Variants in PCDHGA1 observed in about 807,000 individuals in gnomAD.
PCDHGA1 encodes protocadherin gamma-A1.
Under a neutral mutation model 58.0 loss-of-function variants are expected in PCDHGA1, and 32 were observed. The ratio of observed to expected loss-of-function variants is 0.55; its 90% CI spans 0.42 to 0.74. PCDHGA1 has a LOEUF of 0.74. Among genes scored for constraint, PCDHGA1 ranks in the 30% least tolerant of loss-of-function variants. The pLI is 0.00. For missense variants in PCDHGA1, 1,205 were observed against 1,182.3 expected, an observed-to-expected ratio of 1.02 and a Z score of -0.28; for synonymous variants, 498 against 501.1, an observed-to-expected ratio of 0.99 and a Z score of 0.08.
Position 141,487,266 on chromosome 5 carries a change from T to A in PCDHGA1, c.2422-7541T>A. The stretch of plus-strand genomic sequence containing the variant: ...ACCCTCTACTTGGCTGTGTCCCTAG[T>A]GGCAATTTGCTTTGTCTCCTTTGGC... On this transcript the variant is annotated intron_variant, in intron 1 of 3. Transcript: ENST00000517417. This position sits in a 1 kb window ranked among gnomAD's most constrained non-coding sequence, Gnocchi z 5.0. The A allele has an allele frequency of 1.2e-6, 2 of 1,614,172 alleles. No homozygotes were observed. Among genetic ancestry groups the A allele is most frequent in the Non-Finnish European group, 8.5e-7 (1 of 1,180,036 alleles).
At chr5:141,419,674 C>A (rs372932653) in intron 1 of PCDHGA1, 1 of 1,612,938 alleles carries the variant, frequency 6.2e-7, no homozygotes, top group Non-Finnish European at 8.5e-7. Flanking sequence ...CCTGGCTGTC[C>A]TACCACGTGG....
chr5:141,415,893 A>G, intron 1 of PCDHGA1: 2 of 904,826 alleles, frequency 2.2e-6, no homozygotes, highest in Non-Finnish European at 3.0e-6. Flanking sequence ...GACAATTCCT[A>G]AGACAGACTT....
intron 1 of PCDHGA1, among the ~76,000 whole-genome samples, chr5:141,492,356 G>A (rs2099739649): frequency 6.6e-6 from 1 of 152,198 alleles, no homozygotes; most frequent in Non-Finnish European, 1.5e-5. Context: ...ACTGCCACTC[G>A]CTCGCGGCCA....
At position 141,352,422 on chromosome 5, in the gene PCDHGA1, G is replaced by T. The variant is rs191134866; in HGVS notation, c.2421+19317G>T. Reference sequence around the variant, plus strand: ...CGTTCCTCCAGCCTCGACACTGAGGGCTGCTTTCAAACCGGTCTCTGCTCC... The same window carrying T: ...CGTTCCTCCAGCCTCGACACTGAGGTCTGCTTTCAAACCGGTCTCTGCTCC... On this transcript the variant is annotated intron_variant, in intron 1 of 3. Coordinates refer to ENST00000517417, the MANE Select transcript of PCDHGA1 (RefSeq NM_018912.3). 2.1e-4 allele frequency: 340 copies of T among 1,614,054 alleles called. 1 individual carries two copies. The African/African-American group carries it at 3.3e-3, about 16-fold the overall frequency.
intron 1 of PCDHGA1, chr5:141,405,510 C>T: frequency 1.4e-6 from 1 of 732,922 alleles, no homozygotes; most frequent in Non-Finnish European, 2.2e-6. Context: ...ACCTCCGCCT[C>T]CCAAATTCAA....
chr5:141,364,219 G>A lies in PCDHGA1; in HGVS notation c.2421+31114G>A, dbSNP rs1277207859. 4.5e-6 allele frequency: 6 copies of A among 1,322,924 alleles called. No individual in the cohort carries two copies. In the Admixed American group the frequency reaches 1.8e-4, roughly 41 times the overall value. 81.9% of individuals were successfully genotyped at this position (1,322,924 alleles called of 1,614,324 possible). On this transcript the variant is annotated intron_variant, in intron 1 of 3. Coordinates refer to ENST00000517417, the MANE Select transcript of PCDHGA1 (RefSeq NM_018912.3). The stretch of plus-strand genomic sequence containing the variant: ...CAGACCAGACAAGCTCCTACGAAAA[G>A]CCAACGCTCCACGCCCATTTTCGTC...
At chr5:141,361,035 A>T in intron 1 of PCDHGA1, 1 of 1,613,478 alleles carries the variant, frequency 6.2e-7, no homozygotes, top group South Asian at 1.1e-5. Context: ...AAACAGGAGA[A>T]ATCACGACAA....
At chr5:141,357,014 C>T in intron 1 of PCDHGA1, 2 of 1,614,130 alleles carry the variant, frequency 1.2e-6, no homozygotes, top group Non-Finnish European at 1.7e-6. Context: ...GCCTGGCTGT[C>T]CTACAGCCTA....
At chr5:141,386,548 G>T (rs1264128780) in intron 1 of PCDHGA1, among the ~76,000 whole-genome samples, 1 of 151,902 alleles carries the variant, frequency 6.6e-6, no homozygotes, top group Non-Finnish European at 1.5e-5. Context: ...GTTGTATTTG[G>T]TAGTATTTTG....
In PCDHGA1 at chr5:141,489,335, G is replaced by A. The variant is rs138015049; in HGVS notation, c.2422-5472G>A. The A allele has an allele frequency of 8.2e-5, 132 of 1,607,244 alleles. No individual in the cohort carries two copies. The African/African-American group carries it at 1.5e-3, about 18-fold the overall frequency. On this transcript the variant is annotated intron_variant, in intron 1 of 3. Transcript: ENST00000517417. This position sits in a 1 kb window ranked among gnomAD's most constrained non-coding sequence, Gnocchi z 4.5. ...TGGGGCTGGGTGTCTGGGCAGCTTC[G>A]TTACTCAGTGGTGGAGGAGTCTGAG...
At chr5:141,463,438 CTTTTTTTTTTTTTT>C (rs71576115) in intron 1 of PCDHGA1, among the ~76,000 whole-genome samples, 7 of 103,256 alleles carry the variant, frequency 6.8e-5, no homozygotes, top group Non-Finnish European at 9.4e-5. Flanking sequence ...TTTCCTTCTC[CTTTTTTTTTTTTTT>C]TTTTTTTTTT....
At chr5:141,503,478 C>T (rs1249372985) in intron 2 of PCDHGA1, among the ~76,000 whole-genome samples, 3 of 151,680 alleles carry the variant, frequency 2.0e-5, no homozygotes, top group East Asian at 1.9e-4. Context: ...GTGCACTTGT[C>T]GTCCCAGCTG....
chr5:141,421,187 A>G (rs745843422), intron 1 of PCDHGA1: 5 of 1,473,698 alleles, frequency 3.4e-6, no homozygotes, highest in Non-Finnish European at 4.5e-6. Context: ...TTCACAACCA[A>G]CCAGCTCGAG....
chr5:141,367,687 T>G (rs1765289006), intron 1 of PCDHGA1: 1 of 152,072 alleles, frequency 6.6e-6, no homozygotes, highest in African/African-American at 2.4e-5. Flanking sequence ...AGAGAAGAAA[T>G]CAGTGTAAAG....
chr5:141,360,004 CA>C (rs1761388833), intron 1 of PCDHGA1: 1 of 1,185,444 alleles, frequency 8.4e-7, no homozygotes, highest in African/African-American at 1.5e-5. Flanking sequence ...CTGCACAAAC[CA>C]ACCACACAGA....
intron 1 of PCDHGA1, chr5:141,394,070 T>C: frequency 6.2e-7 from 1 of 1,613,848 alleles, no homozygotes; most frequent in Non-Finnish European, 8.5e-7. Context: ...CTATCTACAA[T>C]ATCACAGTGA....
intron 1 of PCDHGA1, among the ~76,000 whole-genome samples, chr5:141,484,170 A>G (rs962978452): frequency 6.6e-6 from 1 of 152,210 alleles, no homozygotes; most frequent in Non-Finnish European, 1.5e-5. Context: ...TTGGTAGCTG[A>G]TCTCAATCAT....
At chr5:141,480,982 C>T (rs1258067957) in intron 1 of PCDHGA1, among the ~76,000 whole-genome samples, 1 of 152,150 alleles carries the variant, frequency 6.6e-6, no homozygotes, top group African/African-American at 2.4e-5. Context: ...TCAGTGAACC[C>T]AGGATGTGGA....
intron 1 of PCDHGA1, among the ~76,000 whole-genome samples, chr5:141,406,686 T>G (rs918855962): frequency 1.3e-5 from 2 of 152,244 alleles, no homozygotes; most frequent in African/African-American, 4.8e-5. Flanking sequence ...TAGGACATTC[T>G]TCTTTTCTAT....
Sources: gnomAD v4.1 joint callset for allele counts (sites outside exome capture counted in the v4.1 genomes callset) on GRCh38, gnomAD v4.1.1 for gene constraint, Gnocchi (gnomAD v3.1) non-coding constraint, MANE v1.5 for transcripts, NCBI Gene and HGNC (gene_info 2026-07-23, HGNC 2026-07-21) for gene names.